Variants in TALDO1 observed in about 807,000 individuals in gnomAD.
The protein encoded by TALDO1 is transaldolase.
A neutral mutation model predicts 38.1 loss-of-function variants in TALDO1; 29 were observed. The observed-to-expected ratio is 0.76, with a 90% CI of 0.57 to 1.04. The LOEUF (loss-of-function observed/expected upper bound fraction) is 1.04, where lower values mean the gene tolerates loss of function less well. TALDO1 is among the 50% of genes least tolerant of loss of function. The pLI is 0.00. For missense variants in TALDO1, 499 were observed against 438.1 expected, an observed-to-expected ratio of 1.14 and a Z score of -1.24; for synonymous variants, 207 against 176.8, an observed-to-expected ratio of 1.17 and a Z score of -1.36.
At chr11:758,000 T>C (rs1210221128) in intron 2 of TALDO1, among the ~76,000 whole-genome samples, 1 of 152,170 alleles carries the variant, frequency 6.6e-6, no homozygotes, top group Non-Finnish European at 1.5e-5. Flanking sequence ...TAGCTGGGCA[T>C]GGGCCAGGCG....
intron 1 of TALDO1, among the ~76,000 whole-genome samples, chr11:753,516 G>A (rs1474371392): frequency 6.6e-6 from 1 of 151,580 alleles, no homozygotes. Context: ...GGGTGAAAGA[G>A]CGAGACTCCG....
In TALDO1 at chr11:747,535, C is replaced by A; in HGVS notation, c.54C>A (p.Leu18=). ...GGATGGAGTCCGCGCTGGACCAGCT[C>A]AAGCAGTTCACCACCGTGGTGGCCG... ...RQRMESALDQ[L]KQFTTVVADT... is the part of the protein sequence containing the mutation. Residue 18 remains leucine (L), a synonymous_variant, in exon 1 of 8, where the codon CTC becomes CTA. Transcript: ENST00000319006. 1 of 1,599,028 alleles carries A rather than the reference C, an allele frequency of 6.3e-7. No individual in the cohort carries two copies. The highest frequency in any genetic ancestry group is 8.5e-7 in the Non-Finnish European group (1 of 1,174,544).
rs1270122372 is a variant in TALDO1 at position 764,447 on chromosome 11, G to A, written c.981+14G>A. The A allele has an allele frequency of 1.9e-6, 3 of 1,613,478 alleles. No homozygotes were observed. The African/African-American group carries it at 4.0e-5, about 22-fold the overall frequency. On this transcript the variant is annotated intron_variant, in intron 7 of 7. Transcript: ENST00000319006. The stretch of plus-strand genomic sequence containing the variant: ...CGGATGCTGACAGTGAGTGTTGTGT[G>A]TGGGTACCTACATATGCCAAGCCCT...
At chr11:751,235 C>T (rs572906342) in intron 1 of TALDO1, among the ~76,000 whole-genome samples, 3 of 152,170 alleles carry the variant, frequency 2.0e-5, no homozygotes, top group East Asian at 3.9e-4. Flanking sequence ...GCTAACAATC[C>T]TTGCTGAAGA....
intron 4 of TALDO1, 129 bp from the exon 5 acceptor site, chr11:763,215 A>ACCCGCCCCCG (rs1564993986): frequency 4.7e-5 from 1 of 21,072 alleles, no homozygotes; most frequent in Admixed American, 5.5e-4. Flanking sequence ...CCCCGCCCTC[A>ACCCGCCCCCG]CCTGCCCCCG....
chr11:753,557 A>C (rs1862785152), intron 1 of TALDO1, among the ~76,000 whole-genome samples: 2 of 151,422 alleles, frequency 1.3e-5, no homozygotes, highest in Admixed American at 1.3e-4. Context: ...AAATACAAAA[A>C]AAAAAACACA....
intron 3 of TALDO1, 43 bp downstream of exon 3, chr11:759,100 C>A: frequency 6.5e-7 from 1 of 1,540,344 alleles, no homozygotes; most frequent in Non-Finnish European, 9.0e-7. Flanking sequence ...GGTCAGGTGT[C>A]CACAGTTGCA....
At position 752,020 on chromosome 11, in the gene TALDO1, A is replaced by C. The variant is rs552952062; in HGVS notation, c.98-3859A>C. ...GTTCCTTTCTCTCTTCAAGGGAGGAATCTTTCCTGCCTGTTTTGGAGCTGT... is the reference window on the plus strand; with the variant it reads ...GTTCCTTTCTCTCTTCAAGGGAGGACTCTTTCCTGCCTGTTTTGGAGCTGT... On this transcript the variant is annotated intron_variant, in intron 1 of 7. Transcript: ENST00000319006. Among the ~76,000 whole-genome samples the C allele has an allele frequency of 5.3e-5, 8 of 152,042 alleles. No individual in the cohort carries two copies. In the South Asian group the frequency reaches 1.7e-3, roughly 32 times the overall value.
intron 1 of TALDO1, chr11:755,670 A>G: frequency 3.1e-6 from 2 of 647,016 alleles, no homozygotes; most frequent in Admixed American, 4.8e-5. Context: ...CTGGGCACTT[A>G]GTGTTTGTTG....
At chr11:755,718 T>C in intron 1 of TALDO1, 161 bp from the exon 2 acceptor site, 1 of 1,007,142 alleles carries the variant, frequency 9.9e-7, no homozygotes, top group South Asian at 1.5e-5. Flanking sequence ...TTGATGAACC[T>C]TCAGTGACCC....
At position 763,537 on chromosome 11, in the gene TALDO1, G is replaced by A. The variant is rs1249326170; in HGVS notation, c.637+18G>A. On this transcript the variant is annotated intron_variant, in intron 5 of 7. Transcript: ENST00000319006. The stretch of plus-strand genomic sequence containing the variant: ...AGACCCTGGTGAGGGTCCCTCTGTG[G>A]TAATGGGGTAAGGGGAGCAGCCTCA... 1 of 1,613,614 alleles carries A rather than the reference G, an allele frequency of 6.2e-7. No individual in the cohort carries two copies. Among genetic ancestry groups the A allele is most frequent in the Non-Finnish European group, 8.5e-7 (1 of 1,179,924 alleles).
chr11:755,998 G>A lies in TALDO1; in HGVS notation c.217G>A (p.Gly73Ser), dbSNP rs1343389392. 5 of 1,612,870 alleles carry A rather than the reference G, an allele frequency of 3.1e-6. No homozygotes were observed. Among genetic ancestry groups the A allele is most frequent in the Admixed American group, 1.7e-5 (1 of 59,940 alleles). The change falls in exon 2 of 8, where the codon GGC (glycine) becomes AGC (serine). Residue 73 changes from glycine (G) to serine (S), a missense_variant. Physicochemically the swap from Gly to Ser is moderately conservative, Grantham distance 56. Coordinates refer to ENST00000319006, the MANE Select transcript of TALDO1 (RefSeq NM_006755.2). The stretch of plus-strand genomic sequence containing the variant: ...GGCGATTGCCTATGGCCGGAAGCTG[G>A]GCGGGTGAGTGCCTGGACTCGGGAG... ...EEAIAYGRKL[G>S]GSQEDQIKNA... is the part of the protein sequence containing the mutation.
intron 4 of TALDO1, among the ~76,000 whole-genome samples, chr11:761,275 G>A (rs1862919619): frequency 6.7e-6 from 1 of 149,966 alleles, no homozygotes; most frequent in Non-Finnish European, 1.5e-5. Context: ...GGTGGACGTT[G>A]CAGTGAGCCG....
intron 1 of TALDO1, among the ~76,000 whole-genome samples, chr11:753,504 G>C (rs970136052): frequency 2.6e-5 from 4 of 151,688 alleles, no homozygotes; most frequent in Non-Finnish European, 5.9e-5. Context: ...GCAGTCCGGC[G>C]TGGGTGAAAG....
chr11:761,970 G>GTT (rs71464115), intron 4 of TALDO1, among the ~76,000 whole-genome samples: 1 of 149,800 alleles, frequency 6.7e-6, no homozygotes, highest in Non-Finnish European at 1.5e-5. Context: ...GTGTTTTTTT[G>GTT]TTTTTTTTTG....
intron 1 of TALDO1, among the ~76,000 whole-genome samples, chr11:753,518 G>A (rs1460978921): frequency 6.6e-6 from 1 of 151,110 alleles, no homozygotes; most frequent in East Asian, 1.9e-4. Flanking sequence ...GTGAAAGAGC[G>A]AGACTCCGTC....
intron 1 of TALDO1, among the ~76,000 whole-genome samples, chr11:748,843 A>C (rs746990778): frequency 2.2e-4 from 34 of 152,338 alleles, no homozygotes; most frequent in African/African-American, 5.8e-4. Context: ...CATAAGAAAG[A>C]AAGCTCCAGA....
chr11:757,289 ATT>A (rs555623617), intron 2 of TALDO1, among the ~76,000 whole-genome samples: 15,460 of 134,986 alleles, frequency 0.11, 804 homozygotes, highest in Non-Finnish European at 0.13. Context: ...ATGGCCCCAA[ATT>A]TTTTTTTTTT....
intron 1 of TALDO1, among the ~76,000 whole-genome samples, chr11:748,551 C>T (rs563053313): frequency 1.3e-5 from 2 of 152,318 alleles, no homozygotes; most frequent in East Asian, 1.9e-4. Flanking sequence ...ATGAATGCTG[C>T]GAGCACCTAA....
Sources: gnomAD v4.1 joint callset for allele counts (sites outside exome capture counted in the v4.1 genomes callset) on GRCh38, gnomAD v4.1.1 for gene constraint, MANE v1.5 for transcripts, NCBI Gene and HGNC (gene_info 2026-07-23, HGNC 2026-07-21) for gene names.